The following BTD variants were observed in gnomAD, a reference collection of about 807,000 sequenced individuals.
BTD encodes biotinidase.
In BTD, 13 loss-of-function variants were observed where a neutral mutation model predicts 17.7. The ratio of observed to expected loss-of-function variants is 0.74; its 90% CI spans 0.48 to 1.17. BTD has a LOEUF of 1.17. Among genes scored for constraint, BTD ranks in the 50% most tolerant of loss-of-function variants. The pLI is 0.00. For missense variants in BTD, 674 were observed against 650.4 expected, an observed-to-expected ratio of 1.04 and a Z score of -0.39; for synonymous variants, 240 against 245.2, an observed-to-expected ratio of 0.98 and a Z score of 0.20.
At chr3:15,663,254 A>G (rs2065943949) in intron 3 of BTD, among the ~76,000 whole-genome samples, 1 of 152,156 alleles carries the variant, frequency 6.6e-6, no homozygotes, top group Non-Finnish European at 1.5e-5. Flanking sequence ...TCGGCTTCCC[A>G]AAGTGCTGGG....
chr3:15,700,736 T>C (rs745836125), intron 3 of BTD, among the ~76,000 whole-genome samples: 7 of 152,108 alleles, frequency 4.6e-5, no homozygotes, highest in Non-Finnish European at 7.4e-5. Flanking sequence ...ATCGCGCCAC[T>C]GCACTCCAGC....
intron 3 of BTD, chr3:15,677,661 C>G (rs1225105839): frequency 2.5e-6 from 2 of 801,180 alleles, no homozygotes; most frequent in Non-Finnish European, 3.9e-6. Flanking sequence ...GCAAAAAAGT[C>G]CCTCTCACAA....
chr3:15,707,943 T>A (rs1469459452), intron 3 of BTD: 1 of 1,613,292 alleles, frequency 6.2e-7, no homozygotes, highest in Non-Finnish European at 8.5e-7. Context: ...GTGTCTGATG[T>A]AGCTGCATAG....
chr3:15,696,092 T>C (rs1456921669), intron 3 of BTD: 1 of 1,301,972 alleles, frequency 7.7e-7, no homozygotes, highest in Admixed American at 2.1e-5. Context: ...TATTAGACTA[T>C]AAACTCCCAT....
intron 3 of BTD, chr3:15,697,389 G>A (rs1427401525): frequency 6.6e-6 from 1 of 152,042 alleles, no homozygotes; most frequent in Non-Finnish European, 1.5e-5. Context: ...TTGCTCAGGG[G>A]ACCAGTGCAC....
chr3:15,686,873 A>G (rs372799848), intron 3 of BTD, among the ~76,000 whole-genome samples: 16 of 152,332 alleles, frequency 1.1e-4, no homozygotes, highest in African/African-American at 3.8e-4. Flanking sequence ...GTAAGAGAAT[A>G]ACAGAATTTA....
At chr3:15,666,745 C>T (rs367733639) in intron 3 of BTD, among the ~76,000 whole-genome samples, 154 of 152,304 alleles carry the variant, frequency 1.0e-3, no homozygotes, top group African/African-American at 3.6e-3. Flanking sequence ...TATCCCAGAG[C>T]GCCCCTCCAC....
At chr3:15,603,293 C>G (rs955238596) in intron 1 of BTD, among the ~76,000 whole-genome samples, 5 of 152,182 alleles carry the variant, frequency 3.3e-5, no homozygotes, top group Admixed American at 6.5e-5. Flanking sequence ...AGCATTAACT[C>G]GAAAGTCCAC....
At chr3:15,655,890 C>T (rs138488502), downstream of BTD, among the ~76,000 whole-genome samples, 638 of 152,254 alleles carry the variant, frequency 4.2e-3, 7 homozygotes, top group South Asian at 0.015. Context: ...GCAACCTCTG[C>T]GTCCCGGGTT....
intron 1 of BTD, among the ~76,000 whole-genome samples, chr3:15,614,802 G>A (rs2064747052): frequency 6.6e-6 from 1 of 151,600 alleles, no homozygotes; most frequent in African/African-American, 2.4e-5. Flanking sequence ...TTGCCATGTT[G>A]CCCATGCTGG....
intron 3 of BTD, among the ~76,000 whole-genome samples, chr3:15,674,845 GATCT>G (rs2066769377): frequency 6.6e-6 from 1 of 152,168 alleles, no homozygotes; most frequent in Middle Eastern, 3.2e-3. Flanking sequence ...GCCAAAAGCT[GATCT>G]ATCAAGTAAA....
intron 1 of BTD, among the ~76,000 whole-genome samples, chr3:15,630,957 G>T (rs931325598): frequency 9.9e-5 from 15 of 152,154 alleles, no homozygotes; most frequent in Non-Finnish European, 2.1e-4. Flanking sequence ...GTGACAATCA[G>T]ATAACAAGAG....
chr3:15,607,531 A>T (rs958987407), intron 1 of BTD, among the ~76,000 whole-genome samples: 1 of 152,234 alleles, frequency 6.6e-6, no homozygotes, highest in Non-Finnish European at 1.5e-5. Context: ...AAAGCCCCCA[A>T]ATTGGGATAG....
exon 4 of BTD, among the ~76,000 whole-genome samples, chr3:15,711,988 G>A (rs1270864669): frequency 6.6e-6 from 1 of 151,924 alleles, no homozygotes; most frequent in African/African-American, 2.4e-5. Flanking sequence ...GAGCCACCAC[G>A]CCAGACCTGA....
In BTD at chr3:15,652,056, C is replaced by T. The variant is rs889475515; in HGVS notation, c.*6568C>T. 1.3e-5 allele frequency among the ~76,000 whole-genome samples: 2 copies of T among 152,218 alleles called. No homozygotes were observed. Among genetic ancestry groups the T allele is most frequent in the Middle Eastern group, 3.2e-3 (1 of 316 alleles). ...TATAAAAGGTACTGCAGACCGGGCA[C>T]GGTGGCTTACGCCTGTAATCCCAGC... On this transcript the variant is annotated 3_prime_UTR_variant, in exon 4 of 4. Transcript: ENST00000643237.
intron 2 of BTD, among the ~76,000 whole-genome samples, chr3:15,638,454 A>G (rs1051562483): frequency 6.6e-6 from 1 of 152,180 alleles, no homozygotes; most frequent in Non-Finnish European, 1.5e-5. Flanking sequence ...TGTCTTCCAC[A>G]AGCACTTTCT....
chr3:15,615,598 G>GC (rs1197133983), intron 1 of BTD, among the ~76,000 whole-genome samples: 4 of 152,120 alleles, frequency 2.6e-5, no homozygotes, highest in African/African-American at 9.7e-5. Flanking sequence ...TTTTTTAAAT[G>GC]CTTTTTTTAA....
chr3:15,717,575 C>T (rs936104324), downstream of BTD, among the ~76,000 whole-genome samples: 2 of 151,558 alleles, frequency 1.3e-5, no homozygotes, highest in Non-Finnish European at 2.9e-5. Context: ...CTACAAAAAT[C>T]CTAACAGTTG....
intron 1 of BTD, among the ~76,000 whole-genome samples, chr3:15,626,481 T>C (rs1268191506): frequency 6.6e-6 from 1 of 152,162 alleles, no homozygotes; most frequent in Admixed American, 6.5e-5. Context: ...CAGACACTCA[T>C]GCCAGGTAAA....
Sources: gnomAD v4.1 joint callset for allele counts (sites outside exome capture counted in the v4.1 genomes callset) on GRCh38, gnomAD v4.1.1 for gene constraint, MANE v1.5 for transcripts, NCBI Gene and HGNC (gene_info 2026-07-23, HGNC 2026-07-21) for gene names.